Variants in SLC36A1 observed in about 807,000 individuals in gnomAD.
SLC36A1 encodes solute carrier family 36 member 1.
A neutral mutation model predicts 47.5 loss-of-function variants in SLC36A1; 30 were observed. The ratio of observed to expected loss-of-function variants is 0.63; its 90% CI spans 0.47 to 0.86. The LOEUF (loss-of-function observed/expected upper bound fraction) is 0.86, where lower values mean the gene tolerates loss of function less well. SLC36A1 is among the 40% of genes least tolerant of loss of function. The pLI is 0.00. For missense variants in SLC36A1, 517 were observed against 606.0 expected, an observed-to-expected ratio of 0.85 and a Z score of 1.54; for synonymous variants, 255 against 249.7, an observed-to-expected ratio of 1.02 and a Z score of -0.20.
intron 2 of SLC36A1, among the ~76,000 whole-genome samples, chr5:151,460,912 G>T (rs1755409475): frequency 6.6e-6 from 1 of 151,066 alleles, no homozygotes; most frequent in Non-Finnish European, 1.5e-5. Flanking sequence ...TCTTCTAGAA[G>T]TCAAGGGCTC....
the SLC36A1 span, chr5:151,544,505 C>T: frequency 1.9e-6 from 3 of 1,614,004 alleles, no homozygotes; most frequent in Non-Finnish European, 2.5e-6. Context: ...TCTTCCTCCA[C>T]AATGTTGTAG....
At chr5:151,466,902 C>T (rs967563828) in intron 5 of SLC36A1, among the ~76,000 whole-genome samples, 6 of 152,112 alleles carry the variant, frequency 3.9e-5, no homozygotes, top group Admixed American at 3.3e-4. Flanking sequence ...ACCAGTGGCA[C>T]CTAGCATGGT....
the SLC36A1 span, among the ~76,000 whole-genome samples, chr5:151,356,951 T>C: frequency 6.6e-6 from 1 of 152,128 alleles, no homozygotes; most frequent in Non-Finnish European, 1.5e-5. Flanking sequence ...GATGATAATA[T>C]TCACACAAGC....
At chr5:151,426,269 G>T in the SLC36A1 span, among the ~76,000 whole-genome samples, 3 of 151,802 alleles carry the variant, frequency 2.0e-5, no homozygotes, top group African/African-American at 7.3e-5. Flanking sequence ...TGGGCCCAGG[G>T]GACCGGTGCT....
chr5:151,396,551 T>C, the SLC36A1 span, among the ~76,000 whole-genome samples: 19 of 152,062 alleles, frequency 1.2e-4, no homozygotes, highest in Admixed American at 3.9e-4. Context: ...AGTAGCCAAA[T>C]ATTAATTAGG....
intron 9 of SLC36A1, 39 bp from the exon 10 acceptor site, chr5:151,479,281 G>A: frequency 6.2e-7 from 1 of 1,605,036 alleles, no homozygotes; most frequent in Non-Finnish European, 8.5e-7. Flanking sequence ...GTATAAGTGT[G>A]CTGAGCAGGC....
chr5:151,529,447 A>C, the SLC36A1 span: 2 of 1,511,908 alleles, frequency 1.3e-6, no homozygotes, highest in Admixed American at 1.7e-5. Flanking sequence ...TCAAAGGCGC[A>C]GGACTGAGGG....
chr5:151,418,782 T>C, the SLC36A1 span, among the ~76,000 whole-genome samples: 1 of 152,138 alleles, frequency 6.6e-6, no homozygotes, highest in Non-Finnish European at 1.5e-5. Context: ...AGGGCATGAT[T>C]GGTTTTGAAA....
chr5:151,521,428 A>T, the SLC36A1 span: 2 of 1,614,198 alleles, frequency 1.2e-6, no homozygotes, highest in Non-Finnish European at 1.7e-6. Flanking sequence ...CACCATGGGC[A>T]TAGCTGACCG....
the SLC36A1 span, chr5:151,545,993 T>G: frequency 1.9e-6 from 3 of 1,614,164 alleles, no homozygotes; most frequent in Non-Finnish European, 2.5e-6. Context: ...TGGGTGGAAA[T>G]AAGGCCAGAA....
At chr5:151,382,661 A>G in the SLC36A1 span, among the ~76,000 whole-genome samples, 1,054 of 152,304 alleles carry the variant, frequency 6.9e-3, 12 homozygotes, top group African/African-American at 0.024. Context: ...AAAGAAATCA[A>G]TTGTGGCACA....
the SLC36A1 span, among the ~76,000 whole-genome samples, chr5:151,354,971 T>C: frequency 6.6e-6 from 1 of 152,078 alleles, no homozygotes; most frequent in Admixed American, 6.6e-5. Flanking sequence ...GAAATACAAC[T>C]TGAACATTAA....
the SLC36A1 span, among the ~76,000 whole-genome samples, chr5:151,400,439 G>A: frequency 6.6e-6 from 1 of 152,104 alleles, no homozygotes; most frequent in Non-Finnish European, 1.5e-5. Context: ...TCATGTCTTT[G>A]CTATTGTGAA....
chr5:151,458,304 G>GTATATATATATATATATATA (rs1754919443), intron 1 of SLC36A1, among the ~76,000 whole-genome samples: 11 of 76,598 alleles, frequency 1.4e-4, no homozygotes, highest in African/African-American at 5.1e-4. Flanking sequence ...ACATACACGT[G>GTATATATATATATATATATA]TATATACGTA....
chr5:151,418,425 G>A, the SLC36A1 span, among the ~76,000 whole-genome samples: 5 of 152,240 alleles, frequency 3.3e-5, no homozygotes. Context: ...GAAGCCACAA[G>A]AGTGGAGCTG....
chr5:151,512,801 C>T, the SLC36A1 span: 2 of 600,528 alleles, frequency 3.3e-6, no homozygotes, highest in Admixed American at 3.0e-5. The surrounding 1 kb of genome is among the most constrained non-coding windows in gnomAD (Gnocchi z 4.1). Flanking sequence ...TTGTTCTCAC[C>T]ACACCCCATG....
chr5:151,539,384 G>C, the SLC36A1 span, among the ~76,000 whole-genome samples: 1 of 152,206 alleles, frequency 6.6e-6, no homozygotes, highest in Non-Finnish European at 1.5e-5. Context: ...TTGTATATAT[G>C]CAAATGCATA....
At chr5:151,540,536 C>A in the SLC36A1 span, 1 of 1,586,914 alleles carries the variant, frequency 6.3e-7, no homozygotes, top group Middle Eastern at 1.9e-4. Context: ...CTTGCCTTCA[C>A]TACCCACTCC....
chr5:151,512,387 C>T, the SLC36A1 span: 18 of 1,614,196 alleles, frequency 1.1e-5, no homozygotes, highest in Admixed American at 1.7e-5. This position sits in a 1 kb window ranked among gnomAD's most constrained non-coding sequence, Gnocchi z 4.1. Context: ...AGAATGAGGC[C>T]GCCCAGCAAG....
Sources: allele counts gnomAD v4.1 joint callset (sites outside exome capture counted in the v4.1 genomes callset), GRCh38; gene constraint gnomAD v4.1.1; non-coding constraint Gnocchi (gnomAD v3.1); transcripts MANE v1.5; gene names NCBI Gene and HGNC (gene_info 2026-07-23, HGNC 2026-07-21).